The following TBC1D1 variants were observed in gnomAD, a reference collection of about 807,000 sequenced individuals.
TBC1D1 encodes TBC1 domain family member 1.
In TBC1D1, 89 loss-of-function variants were observed where a neutral mutation model predicts 125.6. That is an observed-to-expected ratio of 0.71 (90% CI 0.60 to 0.85). TBC1D1 has a LOEUF of 0.85. Among genes scored for constraint, TBC1D1 ranks in the 40% least tolerant of loss-of-function variants. The probability of loss-of-function intolerance (pLI) is 0.00; values close to 1 mark genes in which losing one functional copy is unlikely to be tolerated. For missense variants in TBC1D1, 1,377 were observed against 1,469.2 expected (o/e 0.94, Z 1.03); for synonymous variants, 565 against 564.1 (o/e 1.00, Z -0.02).
intron 12 of TBC1D1, among the ~76,000 whole-genome samples, chr4:38,083,893 C>A (rs1757009044): frequency 6.6e-6 from 1 of 151,480 alleles, no homozygotes; most frequent in Non-Finnish European, 1.5e-5. Flanking sequence ...TGGCATGAGG[C>A]AACAACTTAA....
chr4:37,946,318 A>G (rs897024651), intron 2 of TBC1D1, among the ~76,000 whole-genome samples: 1 of 152,224 alleles, frequency 6.6e-6, no homozygotes, highest in African/African-American at 2.4e-5. Flanking sequence ...TCAGAAAGCT[A>G]GAAGAGAGGA....
At chr4:38,069,768 G>A (rs1754382711) in intron 12 of TBC1D1, among the ~76,000 whole-genome samples, 1 of 152,214 alleles carries the variant, frequency 6.6e-6, no homozygotes, top group African/African-American at 2.4e-5. Flanking sequence ...TACCCAGGGA[G>A]AGGTGGGGGA....
intron 11 of TBC1D1, among the ~76,000 whole-genome samples, chr4:38,051,645 A>AT (rs1289603557): frequency 6.6e-6 from 1 of 152,012 alleles, no homozygotes; most frequent in East Asian, 1.9e-4. Context: ...AAAAAAAAAA[A>AT]GTATTGTTGG....
In TBC1D1 at chr4:38,089,957, C is replaced by G; in HGVS notation, c.2076C>G (p.Pro692=). 2 of 1,595,936 alleles carry G rather than the reference C, an allele frequency of 1.3e-6. No homozygotes were observed. The highest frequency in any genetic ancestry group is 1.8e-5 in the Admixed American group (1 of 54,622). ...ATTATTCAGAGCTGGGAGAGCTTCC[C>G]CCACGATCTCCTTTAGAACCAGTTT... The change falls in exon 13 of 20, where the codon CCC becomes CCG. Residue 692 remains proline (P), a synonymous_variant. Transcript: ENST00000261439.
chr4:37,938,458 G>C (rs1389345663), intron 2 of TBC1D1, among the ~76,000 whole-genome samples: 3 of 152,090 alleles, frequency 2.0e-5, no homozygotes, highest in Non-Finnish European at 4.4e-5. Context: ...ACTTTGATAG[G>C]AGACAGTTTT....
intron 2 of TBC1D1, among the ~76,000 whole-genome samples, chr4:37,920,952 T>C (rs1212186879): frequency 6.6e-6 from 1 of 151,296 alleles, no homozygotes; most frequent in Non-Finnish European, 1.5e-5. Flanking sequence ...CTACTAAAAA[T>C]ACAAAAAATT....
Position 38,040,113 on chromosome 4 carries a change from A to G in TBC1D1, c.1414-4249A>G, listed in dbSNP as rs79822199. On this transcript the variant is annotated intron_variant, in intron 8 of 19. Coordinates refer to ENST00000261439, the MANE Select transcript of TBC1D1 (RefSeq NM_015173.4). Reference sequence around the variant, plus strand: ...CATTTTATTTTAATTATGGCAATAGACGTGGAAAAGACTCTTTTTTGATAG... The same window carrying G: ...CATTTTATTTTAATTATGGCAATAGGCGTGGAAAAGACTCTTTTTTGATAG... 2.6e-5 allele frequency among the ~76,000 whole-genome samples: 4 copies of G among 152,318 alleles called. No homozygotes were observed. In the East Asian group the frequency reaches 7.7e-4, roughly 29 times the overall value.
intron 11 of TBC1D1, among the ~76,000 whole-genome samples, chr4:38,051,428 T>G (rs1411060948): frequency 6.6e-6 from 1 of 152,156 alleles, no homozygotes; most frequent in African/African-American, 2.4e-5. Context: ...TGTTTATACT[T>G]TAATTAAAAA....
chr4:38,126,497 A>G (rs1170592802), intron 18 of TBC1D1, among the ~76,000 whole-genome samples: 1 of 152,246 alleles, frequency 6.6e-6, no homozygotes, highest in African/African-American at 2.4e-5. Flanking sequence ...AAAAGATGCA[A>G]ATTTGGCCTG....
chr4:38,085,552 A>G (rs1757344660), intron 12 of TBC1D1, among the ~76,000 whole-genome samples: 2 of 152,180 alleles, frequency 1.3e-5, no homozygotes, highest in Admixed American at 1.3e-4. Context: ...CCCAAGAGGC[A>G]CCAACACAGT....
At chr4:38,036,876 T>C (rs899670663) in intron 8 of TBC1D1, among the ~76,000 whole-genome samples, 1 of 152,226 alleles carries the variant, frequency 6.6e-6, no homozygotes, top group Non-Finnish European at 1.5e-5. Context: ...ACCCTTAAGA[T>C]AGCATTCAAG....
intron 12 of TBC1D1, among the ~76,000 whole-genome samples, chr4:38,062,009 C>T (rs1752857153): frequency 6.6e-6 from 1 of 152,162 alleles, no homozygotes; most frequent in African/African-American, 2.4e-5. Context: ...ACCAAAAGCA[C>T]CTGGGGAGAT....
Position 38,113,678 on chromosome 4 carries a change from G to A in TBC1D1, c.2558-2032G>A, listed in dbSNP as rs115988712. 8.7e-3 allele frequency among the ~76,000 whole-genome samples: 1,327 copies of A among 152,226 alleles called. 15 individuals are homozygous for A. Among genetic ancestry groups the A allele is most frequent in the African/African-American group, 0.03 (1,232 of 41,524 alleles). On this transcript the variant is annotated intron_variant, in intron 15 of 19. Transcript: ENST00000261439. The stretch of plus-strand genomic sequence containing the variant: ...TGGAAGCTGAGCTGGCAAGGGTAAT[G>A]GAATGAAAGAGATTGTGAATATTTT...
Position 38,045,821 on chromosome 4 carries a change from A to G in TBC1D1, c.1547A>G (p.Asn516Ser). Residue 516 changes from asparagine (N) to serine (S), a missense_variant, in exon 10 of 20, where the codon AAT becomes AGT. Asn to Ser is a conservative substitution (Grantham distance 46). This residue lies in a region of TBC1D1 where 822 missense variants were observed against 824.6 expected (regional missense o/e 1.00). Coordinates refer to ENST00000261439, the MANE Select transcript of TBC1D1 (RefSeq NM_015173.4). The stretch of plus-strand genomic sequence containing the variant: ...GACTGCCTTTTCTTTATGTAGGGTA[A>G]TAAAGCCAGAGGCCTGCAGGAACAC... The G allele has an allele frequency of 1.2e-6, 2 of 1,614,050 alleles. No individual in the cohort carries two copies. Among genetic ancestry groups the G allele is most frequent in the Non-Finnish European group, 8.5e-7 (1 of 1,179,900 alleles).
rs1315914440 is a variant in TBC1D1 at position 38,090,157 on chromosome 4, T to C, written c.2236+40T>C. The C allele has an allele frequency of 5.6e-6, 9 of 1,597,676 alleles. No homozygotes were observed. The African/African-American group carries it at 8.1e-5, about 14-fold the overall frequency. On this transcript the variant is annotated intron_variant, in intron 13 of 19. Transcript: ENST00000261439. ...TTGATATTGAACAGGCCTGGTCTTATCTTGGCTCTGAAGTTAATCACATCA... is the reference window on the plus strand; with the variant it reads ...TTGATATTGAACAGGCCTGGTCTTACCTTGGCTCTGAAGTTAATCACATCA...
intron 2 of TBC1D1, among the ~76,000 whole-genome samples, chr4:37,948,219 A>G (rs564744329): frequency 6.6e-6 from 1 of 152,300 alleles, no homozygotes; most frequent in South Asian, 2.1e-4. Flanking sequence ...GGCGGACTGG[A>G]GGGCAGTGGG....
rs573523352 is a variant in TBC1D1, at chr4:38,006,540, A to G, written c.418-7969A>G. 2.2e-5 allele frequency among the ~76,000 whole-genome samples: 3 copies of G among 136,144 alleles called. No homozygotes were observed. The East Asian group carries it at 6.7e-4, about 30-fold the overall frequency. 89.3% of individuals were successfully genotyped at this position (136,144 alleles called of 152,430 possible). The stretch of plus-strand genomic sequence containing the variant: ...GTCACCCAGGCTGGAGTGCAGTGGC[A>G]CAATCTCGTCTCACTGCAACCTCTG... On this transcript the variant is annotated intron_variant, in intron 2 of 19. Coordinates refer to ENST00000261439, the MANE Select transcript of TBC1D1 (RefSeq NM_015173.4).
chr4:38,087,935 G>A (rs1176583828), intron 12 of TBC1D1, among the ~76,000 whole-genome samples: 2 of 149,778 alleles, frequency 1.3e-5, no homozygotes, highest in African/African-American at 4.9e-5. Flanking sequence ...TTGCCTGGGT[G>A]GGTCCTGGGT....
At chr4:37,983,979 G>A (rs935089918) in intron 2 of TBC1D1, among the ~76,000 whole-genome samples, 2 of 152,176 alleles carry the variant, frequency 1.3e-5, no homozygotes, top group Middle Eastern at 3.4e-3. Flanking sequence ...ATATAGTTCT[G>A]CCTATAGAGA....
Sources: allele counts gnomAD v4.1 joint callset (sites outside exome capture counted in the v4.1 genomes callset), GRCh38; gene constraint gnomAD v4.1.1; regional missense constraint gnomAD v4.1.1; transcripts MANE v1.5; gene names NCBI Gene and HGNC (gene_info 2026-07-23, HGNC 2026-07-21).